Variants in SH3GL3 observed in about 807,000 individuals in gnomAD.
The protein encoded by SH3GL3 is endophilin-A3.
SH3GL3 carries 33 observed loss-of-function variants against 47.7 expected under a neutral mutation model. The ratio of observed to expected loss-of-function variants is 0.69; its 90% CI spans 0.52 to 0.92. The LOEUF is 0.92. Ranked by LOEUF, SH3GL3 falls within the 40% of genes least tolerant of loss-of-function variation. The pLI, the probability that SH3GL3 is intolerant of heterozygous loss-of-function variation, is 0.00. For missense variants in SH3GL3, 363 were observed against 417.8 expected (o/e 0.87, Z 1.14); for synonymous variants, 155 against 148.8 (o/e 1.04, Z -0.30).
chr15:83,461,498 G>T (rs908973233), intron 1 of SH3GL3, among the ~76,000 whole-genome samples: 2 of 151,294 alleles, frequency 1.3e-5, no homozygotes, highest in South Asian at 4.2e-4. Flanking sequence ...TTTTCTTAAG[G>T]TACCTATAGC....
chr15:83,572,789 T>A, intron 5 of SH3GL3, 91 bp downstream of exon 5: 2 of 930,194 alleles, frequency 2.2e-6, no homozygotes, highest in Non-Finnish European at 1.6e-6. Context: ...ACTGAAAGCA[T>A]CATCTTATGA....
Position 83,618,283 on chromosome 15 carries a change from A to G in SH3GL3, c.1040A>G (p.Gln347Arg), listed in dbSNP as rs2060882250. Reference protein sequence around the residue: ...NYVEVIVPLPQ With the variant: ...NYVEVIVPLPR The stretch of plus-strand genomic sequence containing the variant: ...GTGGAAGTGATCGTGCCTTTACCTC[A>G]GTAAATGTGTAACACAAACTCTGGA... Residue 347 changes from glutamine to arginine, a missense_variant, in exon 9 of 9, where the codon CAG (glutamine) becomes CGG (arginine). By Grantham distance (43) the Gln-to-Arg change is conservative (BLOSUM62 1). Coordinates refer to ENST00000427482, the MANE Select transcript of SH3GL3 (RefSeq NM_003027.5). 1.9e-6 allele frequency: 3 copies of G among 1,586,196 alleles called. No individual in the cohort carries two copies. Among genetic ancestry groups the G allele is most frequent in the Admixed American group, 1.7e-5 (1 of 59,974 alleles).
At chr15:83,594,466 C>G (rs985332093) in intron 8 of SH3GL3, among the ~76,000 whole-genome samples, 45 of 152,266 alleles carry the variant, frequency 3.0e-4, no homozygotes, top group African/African-American at 1.1e-3. Flanking sequence ...GGCACATTTA[C>G]TTTATATAAT....
At chr15:83,508,066 G>T (rs1028893070) in intron 1 of SH3GL3, among the ~76,000 whole-genome samples, 1 of 151,400 alleles carries the variant, frequency 6.6e-6, no homozygotes. Flanking sequence ...CTCAGCCTCC[G>T]GAGTAGCTGG....
In SH3GL3 at chr15:83,568,471, A is replaced by C. The variant is rs534860330; in HGVS notation, c.188-58A>C. 216 of 1,459,348 alleles carry C rather than the reference A, an allele frequency of 1.5e-4. 5 individuals are homozygous for C. The Admixed American group carries it at 3.6e-3, about 24-fold the overall frequency. 90.4% of individuals were successfully genotyped at this position (1,459,348 alleles called of 1,614,324 possible). A position where few individuals can be genotyped will look rare whatever the true frequency, so the allele number is the denominator to read the frequency against. ...TTGGCAGCTGCGTTTATTAAATTCT[A>C]TGTACCTGTCACTCCACCTTGTAAC... is the stretch of plus-strand genomic sequence containing the variant. On this transcript the variant is annotated intron_variant, in intron 3 of 8. Coordinates refer to ENST00000427482, the MANE Select transcript of SH3GL3 (RefSeq NM_003027.5).
rs1199086932 is a variant in SH3GL3, at chr15:83,456,139, A to T, written c.45+8561A>T. Among the ~76,000 whole-genome samples the T allele has an allele frequency of 3.6e-5, 3 of 82,384 alleles. 1 individual carries two copies. The highest frequency in any genetic ancestry group is 1.3e-4 in the African/African-American group (3 of 23,940). The allele number at this position is 82,384 out of a possible 152,430, so 54.0% of individuals were successfully genotyped here. A position where few individuals can be genotyped will look rare whatever the true frequency, so the allele number is the denominator to read the frequency against. On this transcript the variant is annotated intron_variant, in intron 1 of 8. Transcript: ENST00000427482. Reference sequence around the variant, plus strand: ...GCTGCTCGGGGGTCAGGGGTCAGGGACCCACTTGAGGAGGCAGTCTGCCCG... The same window carrying T: ...GCTGCTCGGGGGTCAGGGGTCAGGGTCCCACTTGAGGAGGCAGTCTGCCCG...
At chr15:83,611,080 G>T (rs576853315) in intron 8 of SH3GL3, among the ~76,000 whole-genome samples, 1 of 151,472 alleles carries the variant, frequency 6.6e-6, no homozygotes, top group East Asian at 1.9e-4. Flanking sequence ...GTTGGGGGAG[G>T]GGCACCGCAA....
intron 8 of SH3GL3, among the ~76,000 whole-genome samples, chr15:83,593,140 C>T (rs531303785): frequency 2.3e-3 from 346 of 152,282 alleles, no homozygotes; most frequent in Admixed American, 8.1e-3. Flanking sequence ...AGTCCTCTAA[C>T]TTTGGTCTTC....
chr15:83,600,436 T>C (rs1443971352), intron 8 of SH3GL3, among the ~76,000 whole-genome samples: 1 of 152,228 alleles, frequency 6.6e-6, no homozygotes, highest in Non-Finnish European at 1.5e-5. Context: ...ACACCATTTG[T>C]TGAATAGGGT....
rs993861264 is a variant in SH3GL3, at chr15:83,541,105, A to G, written c.46-18148A>G. ...CCTCCACTTCCATCTGTGTTGTTGC[A>G]AATGACAGGATCTCATTCTTTTTTA... On this transcript the variant is annotated intron_variant, in intron 1 of 8. Coordinates refer to ENST00000427482, the MANE Select transcript of SH3GL3 (RefSeq NM_003027.5). Among the ~76,000 whole-genome samples the G allele has an allele frequency of 1.3e-5, 2 of 152,106 alleles. 1 individual carries two copies. The highest frequency in any genetic ancestry group is 1.3e-4 in the Admixed American group (2 of 15,266).
intron 6 of SH3GL3, among the ~76,000 whole-genome samples, chr15:83,581,982 T>C (rs1216172886): frequency 1.3e-5 from 2 of 152,238 alleles, no homozygotes; most frequent in Non-Finnish European, 2.9e-5. Context: ...CCATGACTGA[T>C]TTCTCACCAG....
rs144827291 is a variant in SH3GL3, at chr15:83,600,209, T to C, written c.838+11438T>C. 1.1e-3 allele frequency among the ~76,000 whole-genome samples: 162 copies of C among 152,282 alleles called. 3 individuals carry two copies. The East Asian group carries it at 0.031, about 29-fold the overall frequency. ...TTTAGTTTAATTAAGTCCCAGCTATTTATCTTTATTTTTGTTCCATTTGCT... is the reference window on the plus strand; with the variant it reads ...TTTAGTTTAATTAAGTCCCAGCTATCTATCTTTATTTTTGTTCCATTTGCT... On this transcript the variant is annotated intron_variant, in intron 8 of 8. Transcript: ENST00000427482.
intron 1 of SH3GL3, among the ~76,000 whole-genome samples, chr15:83,543,522 G>A (rs1274101064): frequency 2.0e-5 from 3 of 151,968 alleles, no homozygotes; most frequent in Non-Finnish European, 4.4e-5. Context: ...CATAGAATGG[G>A]TTTGGAAGTC....
At chr15:83,589,876 T>G (rs2060049585) in intron 8 of SH3GL3, among the ~76,000 whole-genome samples, 1 of 152,200 alleles carries the variant, frequency 6.6e-6, no homozygotes, top group Non-Finnish European at 1.5e-5. Context: ...TTTGCTACAG[T>G]GAGTATCCTT....
chr15:83,541,778 A>G (rs905418437), intron 1 of SH3GL3, among the ~76,000 whole-genome samples: 2 of 152,070 alleles, frequency 1.3e-5, no homozygotes, highest in African/African-American at 4.8e-5. Flanking sequence ...AGAAATGTCT[A>G]TTCAGATCTT....
chr15:83,474,667 A>G lies in SH3GL3; in HGVS notation c.45+27089A>G, dbSNP rs181798864. ...CTCAGGAGCTGCATATGGTCTCTGTAGAGATAACTCCTGGCTTTTTGTCTG... is the reference window on the plus strand; with the variant it reads ...CTCAGGAGCTGCATATGGTCTCTGTGGAGATAACTCCTGGCTTTTTGTCTG... On this transcript the variant is annotated intron_variant, in intron 1 of 8. Coordinates refer to ENST00000427482, the MANE Select transcript of SH3GL3 (RefSeq NM_003027.5). Among the ~76,000 whole-genome samples the G allele has an allele frequency of 1.8e-3, 274 of 152,260 alleles. 2 individuals are homozygous for G. Among genetic ancestry groups the G allele is most frequent in the Non-Finnish European group, 3.8e-4 (26 of 68,020 alleles).
intron 1 of SH3GL3, among the ~76,000 whole-genome samples, chr15:83,486,738 A>G (rs2041613287): frequency 6.6e-6 from 1 of 152,218 alleles, no homozygotes; most frequent in Non-Finnish European, 1.5e-5. Context: ...ATAACAAAAT[A>G]CTGGAAACTG....
chr15:83,492,036 G>A (rs1045001250), intron 1 of SH3GL3, among the ~76,000 whole-genome samples: 10 of 152,144 alleles, frequency 6.6e-5, no homozygotes, highest in Non-Finnish European at 1.2e-4. Context: ...TGTAACCCCA[G>A]CACTTTGGGA....
Position 83,491,019 on chromosome 15 carries a change from T to C in SH3GL3, c.45+43441T>C, listed in dbSNP as rs984398017. The C allele has an allele frequency of 2.6e-6, 4 of 1,521,670 alleles. No homozygotes were observed. In the African/African-American group the frequency reaches 4.1e-5, roughly 16 times the overall value. 94.3% of individuals were successfully genotyped at this position (1,521,670 alleles called of 1,614,324 possible). A position where few individuals can be genotyped will look rare whatever the true frequency, so the allele number is the denominator to read the frequency against. On this transcript the variant is annotated intron_variant, in intron 1 of 8. Transcript: ENST00000427482. ...AGGTACAGATCTTCATGGTGAAAAG[T>C]GGGAAGCCTTGTATTAGCAAGGAGT...
Sources: allele counts gnomAD v4.1 joint callset (sites outside exome capture counted in the v4.1 genomes callset), GRCh38; gene constraint gnomAD v4.1.1; transcripts MANE v1.5; gene names NCBI Gene and HGNC (gene_info 2026-07-23, HGNC 2026-07-21).